NOS1: variants seen among roughly 807,000 people sequenced by gnomAD.
The protein encoded by NOS1 is nitric oxide synthase 1, also known as NOS type I.
In NOS1, 51 loss-of-function variants were observed where a neutral mutation model predicts 164.5. The ratio of observed to expected loss-of-function variants is 0.31; its 90% CI spans 0.25 to 0.39. NOS1 has a LOEUF of 0.39. Among genes scored for constraint, NOS1 ranks in the 10% least tolerant of loss-of-function variants. The pLI is 1.00. For missense variants in NOS1, 1,362 were observed against 1,885.6 expected, an observed-to-expected ratio of 0.72 and a Z score of 5.14; for synonymous variants, 719 against 745.8, an observed-to-expected ratio of 0.96 and a Z score of 0.59.
At chr12:117,263,787 T>C in intron 13 of NOS1, 102 bp downstream of exon 13, 1 of 834,104 alleles carries the variant, frequency 1.2e-6, no homozygotes, top group Non-Finnish European at 2.0e-6. Flanking sequence ...AATCATATTC[T>C]GTAGAGAGGT....
In NOS1 at chr12:117,260,467, T is replaced by C; in HGVS notation, c.2365A>G (p.Lys789Glu). 1 of 1,613,472 alleles carries C rather than the reference T, an allele frequency of 6.2e-7. No individual in the cohort carries two copies. Among genetic ancestry groups the C allele is most frequent in the Non-Finnish European group, 8.5e-7 (1 of 1,179,458 alleles). The change falls in exon 14 of 29, where the codon AAG (lysine) becomes GAG (glutamate). Residue 789 changes from lysine (K) to glutamate (E), a missense_variant and splice_region_variant. By Grantham distance (56) the Lys-to-Glu change is moderately conservative. Around this residue, in one of 4 missense-constraint regions of NOS1, gnomAD observed 737 missense variants for 1,030.3 expected, o/e 0.72. Coordinates refer to ENST00000317775, the MANE Select transcript of NOS1 (RefSeq NM_000620.5). ...AGCTAGGGCTACCCCCCACCTACCT[T>C]GGCATCAAAGGCGTGTTTGAAGATC... ...CEIFKHAFDA[K>E]VMSMEEYDIV... is the part of the protein sequence containing the mutation.
At chr12:117,276,245 C>T (rs1367166721) in intron 9 of NOS1, among the ~76,000 whole-genome samples, 2 of 151,858 alleles carry the variant, frequency 1.3e-5, no homozygotes, top group African/African-American at 4.8e-5. Flanking sequence ...CTATAGTCAC[C>T]CTGTTGTGCT....
At chr12:117,338,041 C>T (rs778372491) in intron 1 of NOS1, among the ~76,000 whole-genome samples, 2 of 151,968 alleles carry the variant, frequency 1.3e-5, no homozygotes, top group Non-Finnish European at 1.5e-5. Context: ...ATGGTGAAAC[C>T]CCATATCTAC....
chr12:117,231,463 G>A lies in NOS1; in HGVS notation c.3405+499C>T, dbSNP rs529567649. On this transcript the variant is annotated intron_variant, in intron 22 of 28. Coordinates refer to ENST00000317775, the MANE Select transcript of NOS1 (RefSeq NM_000620.5). ...CACAAAGAAATGATGAATGCTTGAG[G>A]GGATGAATACCCCATTTGCCCTGAT... Among the ~76,000 whole-genome samples, 3 of 152,166 alleles carry A rather than the reference G, an allele frequency of 2.0e-5. No individual in the cohort carries two copies. In the South Asian group the frequency reaches 6.2e-4, roughly 32 times the overall value.
At chr12:117,282,729 C>T (rs1056626145) in intron 7 of NOS1, among the ~76,000 whole-genome samples, 5 of 152,176 alleles carry the variant, frequency 3.3e-5, no homozygotes, top group South Asian at 2.1e-4. Context: ...GAGATGAACA[C>T]GGAGTGAGTC....
chr12:117,291,480 C>T (rs1047905873), intron 3 of NOS1, among the ~76,000 whole-genome samples: 1 of 148,038 alleles, frequency 6.8e-6, no homozygotes, highest in Non-Finnish European at 1.5e-5. Context: ...TCAGGCTGAC[C>T]AGTGTTGGCC....
chr12:117,348,850 G>A (rs1192661250), intron 1 of NOS1, among the ~76,000 whole-genome samples: 4 of 152,196 alleles, frequency 2.6e-5, no homozygotes, highest in African/African-American at 4.8e-5. Context: ...AATCAGCGCC[G>A]AAAGCAATGT....
In NOS1 at chr12:117,214,861, ACACACAGG is replaced by A. The variant is rs1439514379; in HGVS notation, c.*440_*447del. 1.1e-5 allele frequency: 11 copies of A among 984,170 alleles called. No individual in the cohort carries two copies. The East Asian group carries it at 1.1e-3, about 94-fold the overall frequency. The allele number at this position is 984,170 out of a possible 1,614,324, so 61.0% of individuals were successfully genotyped here. ...CACACACACACACACACACACACACACACACAGGCACGCACAACCAAAATGTCATCATA... is the reference window on the plus strand; with the variant it reads ...CACACACACACACACACACACACACACACGCACAACCAAAATGTCATCATA... On this transcript the variant is annotated 3_prime_UTR_variant, in exon 29 of 29. Coordinates refer to ENST00000317775, the MANE Select transcript of NOS1 (RefSeq NM_000620.5).
intron 14 of NOS1, among the ~76,000 whole-genome samples, chr12:117,259,718 C>T (rs925862513): frequency 6.6e-6 from 1 of 152,180 alleles, no homozygotes; most frequent in South Asian, 2.1e-4. Flanking sequence ...AAGCGATCCA[C>T]GATCAAACAT....
At chr12:117,278,197 G>A in intron 8 of NOS1, 99 bp from the exon 9 acceptor site, 1 of 1,347,448 alleles carries the variant, frequency 7.4e-7, no homozygotes, top group Non-Finnish European at 9.8e-7. Flanking sequence ...AGATCCAAAT[G>A]CAAGCCCCCA....
intron 2 of NOS1, among the ~76,000 whole-genome samples, chr12:117,323,738 C>T (rs974884437): frequency 6.6e-6 from 1 of 152,084 alleles, no homozygotes; most frequent in Non-Finnish European, 1.5e-5. Flanking sequence ...GACTTCCATT[C>T]CTCCAGCCAT....
Position 117,234,532 on chromosome 12 carries a change from C to T in NOS1, c.3235+33G>A. On this transcript the variant is annotated intron_variant, in intron 21 of 28. Transcript: ENST00000317775. This position sits in a 1 kb window ranked among gnomAD's most constrained non-coding sequence, Gnocchi z 4.3. ...GAGACACCCACTGCCTCTGCAGCTC[C>T]CTAGAGCAGGGAAGGGTCCCCGGGA... 1.3e-6 allele frequency: 2 copies of T among 1,597,168 alleles called. No homozygotes were observed. The highest frequency in any genetic ancestry group is 4.5e-5 in the East Asian group (2 of 44,556).
chr12:117,350,203 T>C (rs1876552549), intron 1 of NOS1, among the ~76,000 whole-genome samples: 1 of 152,162 alleles, frequency 6.6e-6, no homozygotes, highest in East Asian at 1.9e-4. Context: ...TAGAAAACCT[T>C]GCTTTGAAAT....
intron 1 of NOS1, among the ~76,000 whole-genome samples, chr12:117,332,504 A>G (rs1177691146): frequency 6.6e-6 from 1 of 152,038 alleles, no homozygotes; most frequent in Non-Finnish European, 1.5e-5. Flanking sequence ...AGGTGGGAGG[A>G]TCGCATTAGC....
At chr12:117,273,659 C>G (rs898500252) in intron 9 of NOS1, among the ~76,000 whole-genome samples, 1 of 151,978 alleles carries the variant, frequency 6.6e-6, no homozygotes, top group African/African-American at 2.4e-5. Flanking sequence ...TTTATTTATA[C>G]AATATTTTAA....
intron 3 of NOS1, among the ~76,000 whole-genome samples, chr12:117,294,072 A>G (rs1873238777): frequency 1.3e-5 from 2 of 152,162 alleles, no homozygotes; most frequent in Admixed American, 1.3e-4. Flanking sequence ...TTGAGAAAAA[A>G]AACAAATAAT....
Position 117,243,485 on chromosome 12 carries a change from C to T in NOS1, c.2824-50G>A. 1 of 1,601,942 alleles carries T rather than the reference C, an allele frequency of 6.2e-7. No individual in the cohort carries two copies. On this transcript the variant is annotated intron_variant, in intron 18 of 28. Transcript: ENST00000317775. This position sits in a 1 kb window ranked among gnomAD's most constrained non-coding sequence, Gnocchi z 4.3. ...TGACCTCTTTCAGCCAAGCGGATCT[C>T]CTCTCCAACAGCTCCAAGTCATGGC...
intron 28 of NOS1, among the ~76,000 whole-genome samples, chr12:117,215,535 C>G (rs537487013): frequency 6.6e-6 from 1 of 151,674 alleles, no homozygotes; most frequent in Non-Finnish European, 1.5e-5. Flanking sequence ...AGGGTTCAAG[C>G]GATTCTCCTG....
intron 20 of NOS1, among the ~76,000 whole-genome samples, chr12:117,236,732 G>C (rs976961995): frequency 5.9e-5 from 9 of 152,194 alleles, no homozygotes; most frequent in African/African-American, 1.7e-4. Context: ...TGAAAGGCCC[G>C]CAAATCAATT....
Sources: gnomAD v4.1 joint callset for allele counts (sites outside exome capture counted in the v4.1 genomes callset) on GRCh38, gnomAD v4.1.1 for gene constraint, gnomAD v4.1.1 regional missense constraint, Gnocchi (gnomAD v3.1) non-coding constraint, MANE v1.5 for transcripts, NCBI Gene and HGNC (gene_info 2026-07-23, HGNC 2026-07-21) for gene names.